ATXN2L: variants seen among roughly 807,000 people sequenced by gnomAD.
ATXN2L encodes ataxin-2-like protein.
In ATXN2L, 24 loss-of-function variants were observed where a neutral mutation model predicts 120.7. The ratio of observed to expected loss-of-function variants is 0.20; its 90% CI spans 0.14 to 0.28. The LOEUF (loss-of-function observed/expected upper bound fraction) is 0.28. ATXN2L is among the 10% of genes least tolerant of loss of function. The pLI is 1.00. For synonymous variants in ATXN2L, 653 were observed against 568.1 expected, an observed-to-expected ratio of 1.15 and a Z score of -2.13; for missense variants, 1,312 against 1,432.3, an observed-to-expected ratio of 0.92 and a Z score of 1.36.
intron 18 of ATXN2L, 109 bp downstream of exon 18, chr16:28,834,802 G>C (rs914679062): frequency 1.5e-6 from 2 of 1,345,270 alleles, no homozygotes; most frequent in African/African-American, 2.9e-5. Context: ...TTGTAGGTGG[G>C]ATCGGCCCTC....
At chr16:28,823,998 C>A in intron 1 of ATXN2L, 2 of 659,632 alleles carry the variant, frequency 3.0e-6, no homozygotes, top group Non-Finnish European at 3.8e-6. Flanking sequence ...CACAGTTTGG[C>A]CAATGGGGAG....
At position 28,826,265 on chromosome 16, in the gene ATXN2L, A is replaced by C; in HGVS notation, c.491A>C (p.His164Pro). 6.2e-7 allele frequency: 1 copy of C among 1,614,202 alleles called. No individual in the cohort carries two copies. The highest frequency in any genetic ancestry group is 8.5e-7 in the Non-Finnish European group (1 of 1,180,030). ...TTTGAACTAGCCGTGGATGCTGTGC[A>C]CCGGAAAGCATCTGAGCCAGCAGGT... The part of the protein sequence containing the change: ...SKFELAVDAV[H>P]RKASEPAGGP... Residue 164 changes from histidine to proline, a missense_variant, in exon 5 of 22, where the codon CAC (histidine) becomes CCC (proline). Transcript: ENST00000336783.
intron 1 of ATXN2L, among the ~76,000 whole-genome samples, chr16:28,825,032 G>GGGAA (rs2151915982): frequency 6.7e-6 from 1 of 150,282 alleles, no homozygotes; most frequent in Admixed American, 6.7e-5. Flanking sequence ...CAACACAGAT[G>GGGAA]GGAAATCCCA....
At position 28,830,954 on chromosome 16, in the gene ATXN2L, C is replaced by T; in HGVS notation, c.1211-8C>T. 1 of 1,471,542 alleles carries T rather than the reference C, an allele frequency of 6.8e-7. No individual in the cohort carries two copies. Among genetic ancestry groups the T allele is most frequent in the Non-Finnish European group, 9.1e-7 (1 of 1,097,364 alleles). The allele number at this position is 1,471,542 out of a possible 1,614,324, so 91.2% of individuals were successfully genotyped here. A position where few individuals can be genotyped will look rare whatever the true frequency, so the allele number is the denominator to read the frequency against. On this transcript the variant is annotated splice_polypyrimidine_tract_variant and splice_region_variant and intron_variant, in intron 9 of 21. Coordinates refer to ENST00000336783, the MANE Select transcript of ATXN2L (RefSeq NM_007245.4). ...TTCTTCTCAAAAAAAAAAAAAAAAA[C>T]CAAACAGGCCCTTCCCGCATGTCCC...
chr16:28,832,532 T>G lies in ATXN2L; in HGVS notation c.1553T>G (p.Leu518Arg), dbSNP rs2054878011. ...ELSTKEPGRT[L>R]EPQELARIAG... ...TCTACCAAGGAACCTGGGAGAACTC[T>G]GGAGCCCCAGGAGCTGGCTCGGATA... The change falls in exon 12 of 22, where the codon CTG (leucine) becomes CGG (arginine). Residue 518 changes from leucine (L) to arginine (R), a missense_variant. Leu to Arg is a moderately radical substitution (Grantham distance 102, BLOSUM62 -2). Transcript: ENST00000336783. 1 of 1,614,138 alleles carries G rather than the reference T, an allele frequency of 6.2e-7. No individual in the cohort carries two copies. The highest frequency in any genetic ancestry group is 1.1e-5 in the South Asian group (1 of 91,096).
chr16:28,833,620 G>A (rs968534486), intron 15 of ATXN2L, 112 bp downstream of exon 15: 4 of 1,128,442 alleles, frequency 3.5e-6, no homozygotes, highest in East Asian at 2.5e-5. Context: ...TGCCTGGCAG[G>A]CAGTGTGAGG....
chr16:28,832,660 C>T lies in ATXN2L; in HGVS notation c.1588+93C>T. 3 of 1,436,522 alleles carry T rather than the reference C, an allele frequency of 2.1e-6. No homozygotes were observed. The South Asian group carries it at 3.5e-5, about 17-fold the overall frequency. 89.0% of individuals were successfully genotyped at this position (1,436,522 alleles called of 1,614,324 possible). On this transcript the variant is annotated intron_variant, in intron 12 of 21. Coordinates refer to ENST00000336783, the MANE Select transcript of ATXN2L (RefSeq NM_007245.4). ...AAGTTTGTTGGAATTCAGAGGCAAACAATGTCTATCAGTCCTTGGATTATA... is the reference window on the plus strand; with the variant it reads ...AAGTTTGTTGGAATTCAGAGGCAAATAATGTCTATCAGTCCTTGGATTATA...
In ATXN2L at chr16:28,825,752, T is replaced by C; in HGVS notation, c.394-18T>C. 6.2e-7 allele frequency: 1 copy of C among 1,613,948 alleles called. No individual in the cohort carries two copies. Among genetic ancestry groups the C allele is most frequent in the Non-Finnish European group, 8.5e-7 (1 of 1,179,820 alleles). On this transcript the variant is annotated intron_variant, in intron 3 of 21. Coordinates refer to ENST00000336783, the MANE Select transcript of ATXN2L (RefSeq NM_007245.4). ...CTACTTTCTGGAGACACTCTTCTTATTTTTCCCACTCTGCCAGGGCTCCAC... is the reference window on the plus strand; with the variant it reads ...CTACTTTCTGGAGACACTCTTCTTACTTTTCCCACTCTGCCAGGGCTCCAC...
chr16:28,823,012 C>G lies in ATXN2L; in HGVS notation c.-248C>G, dbSNP rs933512577. The G allele has an allele frequency of 4.5e-6, 1 of 219,788 alleles. No individual in the cohort carries two copies. The highest frequency in any genetic ancestry group is 2.4e-5 in the African/African-American group (1 of 42,034). The allele number at this position is 219,788 out of a possible 1,614,324, so 13.6% of individuals were successfully genotyped here. A position where few individuals can be genotyped will look rare whatever the true frequency, so the allele number is the denominator to read the frequency against. On this transcript the variant is annotated 5_prime_UTR_variant, in exon 1 of 22. Transcript: ENST00000336783. ...TCTCCGCTCCCCGGCGACGCGCACG[C>G]GCGCCAGCCCGGCTCGCGCCCTCTC...
intron 5 of ATXN2L, 37 bp downstream of exon 5, chr16:28,826,427 G>C (rs1450383810): frequency 1.2e-6 from 2 of 1,600,708 alleles, no homozygotes; most frequent in African/African-American, 1.3e-5. Flanking sequence ...CCTGCTCTGT[G>C]TGCATAGAGG....
intron 1 of ATXN2L, chr16:28,824,142 C>A: frequency 9.8e-7 from 1 of 1,023,580 alleles, no homozygotes; most frequent in Non-Finnish European, 1.2e-6. Context: ...GCGCGCGCCC[C>A]CTTCCCGTAC....
intron 18 of ATXN2L, 167 bp downstream of exon 18, chr16:28,834,860 G>A: frequency 8.7e-7 from 1 of 1,146,566 alleles, no homozygotes; most frequent in Non-Finnish European, 1.2e-6. Context: ...GGCTCTGGTG[G>A]TACCTGTAAC....
chr16:28,824,112 G>A (rs1028340818), intron 1 of ATXN2L: 1 of 1,017,178 alleles, frequency 9.8e-7, no homozygotes, highest in Non-Finnish European at 1.2e-6. Flanking sequence ...TGGGAGGACT[G>A]CGGGCCGGGA....
At position 28,826,318 on chromosome 16, in the gene ATXN2L, A is replaced by G. The variant is rs1304444139; in HGVS notation, c.544A>G (p.Thr182Ala). 2.5e-6 allele frequency: 4 copies of G among 1,614,206 alleles called. No homozygotes were observed. The highest frequency in any genetic ancestry group is 3.4e-6 in the Non-Finnish European group (4 of 1,180,030). ...CCCTCGTCGGGAGGACATTGTGGAC[A>G]CCATGGTGTTTAAGCCAAGTGATGT... ...GGPRREDIVDTMVFKPSDVML... is the reference protein window; with the variant it reads ...GGPRREDIVDAMVFKPSDVML... Residue 182 changes from threonine (T) to alanine (A), a missense_variant, in exon 5 of 22, where the codon ACC becomes GCC. Coordinates refer to ENST00000336783, the MANE Select transcript of ATXN2L (RefSeq NM_007245.4).
chr16:28,833,601 A>G, intron 15 of ATXN2L, 93 bp downstream of exon 15: 1 of 1,297,000 alleles, frequency 7.7e-7, no homozygotes, highest in African/African-American at 1.5e-5. Context: ...CTTCACTTCC[A>G]GGACCACTTG....
chr16:28,829,800 T>G, intron 7 of ATXN2L, 58 bp from the exon 8 acceptor site: 2 of 1,573,414 alleles, frequency 1.3e-6, no homozygotes. Context: ...TGTTTTTCCT[T>G]TTTTCCTCTT....
Position 28,831,014 on chromosome 16 carries a change from T to A in ATXN2L, c.1263T>A (p.Thr421=), listed in dbSNP as rs2054192700. The change falls in exon 10 of 22, where the codon ACT becomes ACA. Residue 421 remains threonine, a synonymous_variant. Coordinates refer to ENST00000336783, the MANE Select transcript of ATXN2L (RefSeq NM_007245.4). The stretch of plus-strand genomic sequence containing the variant: ...AACGGCCTCTGAGAGGTGCCAAGAC[T>A]CTGTCTTCGCCCAGTAATAGGCCTT... ...KAQRPLRGAK[T]LSSPSNRPSG... is the part of the protein sequence containing the mutation. 6 of 1,610,266 alleles carry A rather than the reference T, an allele frequency of 3.7e-6. No homozygotes were observed. Among genetic ancestry groups the A allele is most frequent in the Non-Finnish European group, 5.1e-6 (6 of 1,179,402 alleles).
chr16:28,827,064 G>T lies in ATXN2L; in HGVS notation c.741+78G>T. On this transcript the variant is annotated intron_variant, in intron 6 of 21. Coordinates refer to ENST00000336783, the MANE Select transcript of ATXN2L (RefSeq NM_007245.4). ...TGACAGTGAGGTTCATTTGAGTGGG[G>T]AGGGAAATATTTACTGTTGCCCATT... 3.0e-6 allele frequency: 4 copies of T among 1,313,100 alleles called. No individual in the cohort carries two copies. The South Asian group carries it at 1.0e-4, about 34-fold the overall frequency. The allele number at this position is 1,313,100 out of a possible 1,614,324, so 81.3% of individuals were successfully genotyped here.
Position 28,832,318 on chromosome 16 carries a change from C to A in ATXN2L, c.1435C>A (p.Pro479Thr). The A allele has an allele frequency of 6.2e-7, 1 of 1,614,158 alleles. No individual in the cohort carries two copies. The highest frequency in any genetic ancestry group is 8.5e-7 in the Non-Finnish European group (1 of 1,180,036). ...SAVPTSSASI[P>T]VTSSVSDPGV... is the part of the protein sequence containing the mutation. ...AGTGCCAACCTCTTCAGCCTCCATC[C>A]CTGTGACCTCATCAGTCTCAGATCC... is the stretch of plus-strand genomic sequence containing the variant. Residue 479 changes from proline to threonine, a missense_variant, in exon 11 of 22, where the codon CCT (proline) becomes ACT (threonine). Pro to Thr is a conservative substitution (Grantham distance 38). Coordinates refer to ENST00000336783, the MANE Select transcript of ATXN2L (RefSeq NM_007245.4).
Sources: allele counts gnomAD v4.1 joint callset (sites outside exome capture counted in the v4.1 genomes callset), GRCh38; gene constraint gnomAD v4.1.1; transcripts MANE v1.5; gene names NCBI Gene and HGNC (gene_info 2026-07-23, HGNC 2026-07-21).